The following ABCB5 variants were observed in gnomAD, a reference collection of about 807,000 sequenced individuals.
ABCB5 encodes the protein ATP-binding cassette sub-family B member 5.
In ABCB5, 155 loss-of-function variants were observed where a neutral mutation model predicts 144.2. The ratio of observed to expected loss-of-function variants is 1.08; its 90% CI spans 0.94 to 1.23. The LOEUF (loss-of-function observed/expected upper bound fraction) is 1.23, where lower values mean the gene tolerates loss of function less well. Ranked by LOEUF, ABCB5 falls within the 50% of genes most tolerant of loss-of-function variation. The pLI, the probability that ABCB5 is intolerant of heterozygous loss-of-function variation, is 0.00. For missense variants in ABCB5, 1,830 were observed against 1,520.8 expected (o/e 1.20, Z -3.38); for synonymous variants, 610 against 528.6 (o/e 1.15, Z -2.11).
chr7:20,669,740 A>AAAAAG (rs1562553149), intron 14 of ABCB5, among the ~76,000 whole-genome samples: 3 of 124,108 alleles, frequency 2.4e-5, no homozygotes, highest in South Asian at 2.8e-4. Context: ...AAAAAAAAAA[A>AAAAAG]AAAGAAAATA....
intron 13 of ABCB5, among the ~76,000 whole-genome samples, chr7:20,658,289 C>T (rs1784877374): frequency 6.7e-6 from 1 of 149,532 alleles, no homozygotes; most frequent in South Asian, 2.1e-4. Flanking sequence ...TATTTTAGTC[C>T]TAGCCAAATT....
At chr7:20,658,425 C>T in intron 13 of ABCB5, 81 bp from the exon 14 acceptor site, 2 of 1,387,470 alleles carry the variant, frequency 1.4e-6, no homozygotes, top group Non-Finnish European at 2.0e-6. Flanking sequence ...TATTAAAACA[C>T]AACTGGGATT....
At position 20,626,596 on chromosome 7, in the gene ABCB5, T is replaced by A; in HGVS notation, c.93T>A (p.Val31=). The change falls in exon 3 of 28, where the codon GTT becomes GTA. Residue 31 remains valine, a synonymous_variant. Transcript: ENST00000404938. The part of the protein sequence containing the change: ...EEQPKLRKEA[V]GSIEIFRFAD... ...AGCCAAAACTGAGAAAGGAAGCAGT[T>A]GGATCTATTGAGATAGTAAGTGAAA... 1 of 1,607,148 alleles carries A rather than the reference T, an allele frequency of 6.2e-7. No individual in the cohort carries two copies.
chr7:20,696,341 T>C (rs1368735361), intron 16 of ABCB5, among the ~76,000 whole-genome samples: 1 of 152,068 alleles, frequency 6.6e-6, no homozygotes, highest in Admixed American at 6.6e-5. Context: ...ATGATTTCAT[T>C]TATATAATGT....
chr7:20,742,594 G>A (rs577172867), intron 24 of ABCB5, among the ~76,000 whole-genome samples: 6 of 152,230 alleles, frequency 3.9e-5, no homozygotes, highest in Admixed American at 6.5e-5. Context: ...AACCAACTGC[G>A]GAATGGAACT....
chr7:20,664,694 TCTCTTCTTACCCACCATTTA>T (rs6150020), intron 14 of ABCB5, among the ~76,000 whole-genome samples: 34,493 of 151,880 alleles, frequency 0.23, 4,237 homozygotes, highest in African/African-American at 0.33. Flanking sequence ...TGCAGCATTT[TCTCTTCTTACCCACCATTTA>T]CTCTTCTTAC....
chr7:20,693,274 G>A (rs1786295828), intron 16 of ABCB5, among the ~76,000 whole-genome samples: 1 of 152,058 alleles, frequency 6.6e-6, no homozygotes, highest in Non-Finnish European at 1.5e-5. Context: ...GCTGATATAG[G>A]AGGATTACTT....
Position 20,739,093 on chromosome 7 carries a change from A to G in ABCB5, c.2978A>G (p.Glu993Gly), listed in dbSNP as rs1421965512. The G allele has an allele frequency of 1.9e-6, 3 of 1,610,156 alleles. No homozygotes were observed. The highest frequency in any genetic ancestry group is 1.1e-5 in the South Asian group (1 of 90,262). Residue 993 changes from glutamate to glycine, a missense_variant, in exon 24 of 28, where the codon GAA becomes GGA. By Grantham distance (98) the Glu-to-Gly change is moderately conservative. Transcript: ENST00000404938. ...SGAAHLFALL[E>G]KKPNIDSRSQ... ...GCTGCGCATCTGTTTGCCTTGTTGG[A>G]AAAGAAACCAAATATAGACAGCCGC...
chr7:20,722,265 G>A (rs1222801509), intron 20 of ABCB5, among the ~76,000 whole-genome samples: 1 of 152,052 alleles, frequency 6.6e-6, no homozygotes. Context: ...TGGGTGTTTG[G>A]GTGTAAAGAA....
intron 5 of ABCB5, among the ~76,000 whole-genome samples, chr7:20,638,543 C>T (rs1784213577): frequency 1.3e-5 from 2 of 152,300 alleles, no homozygotes; most frequent in East Asian, 1.9e-4. Context: ...GAGGCAACTC[C>T]TTATCTGCTT....
chr7:20,714,581 AC>A (rs1781609660), intron 20 of ABCB5, among the ~76,000 whole-genome samples: 1 of 151,812 alleles, frequency 6.6e-6, no homozygotes, highest in Non-Finnish European at 1.5e-5. Flanking sequence ...TTCTCATTGT[AC>A]CACCAACACC....
At chr7:20,660,947 C>A (rs1428917333) in intron 14 of ABCB5, among the ~76,000 whole-genome samples, 1 of 152,122 alleles carries the variant, frequency 6.6e-6, no homozygotes, top group Non-Finnish European at 1.5e-5. Flanking sequence ...ATTAAAAAAT[C>A]AGGTCAGCAG....
At chr7:20,715,543 T>C (rs1161162714) in intron 20 of ABCB5, among the ~76,000 whole-genome samples, 1 of 151,054 alleles carries the variant, frequency 6.6e-6, no homozygotes, top group Non-Finnish European at 1.5e-5. Context: ...CCCAAGTAGC[T>C]GGAACCAGGT....
chr7:20,670,667 T>C (rs1785437667), intron 14 of ABCB5, among the ~76,000 whole-genome samples: 1 of 152,316 alleles, frequency 6.6e-6, no homozygotes, highest in East Asian at 1.9e-4. Context: ...CCCAGCACTT[T>C]GGGAGACCAA....
At chr7:20,739,295 ACAT>A (rs1298248327) in intron 24 of ABCB5, among the ~76,000 whole-genome samples, 156 bp downstream of exon 24, 1 of 152,152 alleles carries the variant, frequency 6.6e-6, no homozygotes, top group African/African-American at 2.4e-5. Flanking sequence ...CATACCCCAA[ACAT>A]CAGCATTACG....
intron 1 of ABCB5, among the ~76,000 whole-genome samples, chr7:20,619,955 G>C (rs1783774445): frequency 6.6e-6 from 1 of 152,020 alleles, no homozygotes; most frequent in Non-Finnish European, 1.5e-5. Flanking sequence ...TATTTTTGTT[G>C]ACTTTGTTAA....
intron 1 of ABCB5, among the ~76,000 whole-genome samples, chr7:20,618,779 T>TC (rs1783745913): frequency 7.5e-6 from 1 of 132,962 alleles, no homozygotes; most frequent in Non-Finnish European, 1.6e-5. Context: ...TTTTTTTTTT[T>TC]TTTTTTTTTT....
intron 14 of ABCB5, among the ~76,000 whole-genome samples, chr7:20,666,562 A>C (rs181075613): frequency 2.0e-5 from 3 of 152,310 alleles, no homozygotes; most frequent in Admixed American, 2.0e-4. Flanking sequence ...AAAGTCCAAA[A>C]TAATGACCTG....
chr7:20,676,167 T>TACAC (rs60855145), intron 14 of ABCB5, among the ~76,000 whole-genome samples: 7,776 of 124,494 alleles, frequency 0.062, 210 homozygotes, highest in Non-Finnish European at 0.069. Flanking sequence ...CTACTACACA[T>TACAC]ACACACACAC....
Sources: allele counts gnomAD v4.1 joint callset (sites outside exome capture counted in the v4.1 genomes callset), GRCh38; gene constraint gnomAD v4.1.1; transcripts MANE v1.5; gene names NCBI Gene and HGNC (gene_info 2026-07-23, HGNC 2026-07-21).